Variants in CADPS observed in about 807,000 individuals in gnomAD.
The protein encoded by CADPS is calcium-dependent secretion activator 1.
In CADPS, 57 loss-of-function variants were observed where a neutral mutation model predicts 167.3. The observed-to-expected ratio is 0.34, with a 90% CI of 0.28 to 0.42. The LOEUF (loss-of-function observed/expected upper bound fraction) is 0.42. Among genes scored for constraint, CADPS ranks in the 20% least tolerant of loss-of-function variants. The pLI is 1.00. For synonymous variants in CADPS, 676 were observed against 635.3 expected, an observed-to-expected ratio of 1.06 and a Z score of -0.96; for missense variants, 1,414 against 1,738.1, an observed-to-expected ratio of 0.81 and a Z score of 3.32.
chr3:62,867,561 G>T (rs2153216746), intron 1 of CADPS, among the ~76,000 whole-genome samples: 1 of 152,098 alleles, frequency 6.6e-6, no homozygotes, highest in South Asian at 2.1e-4. Context: ...CCCCCATCTG[G>T]TTTATAGGTA....
intron 6 of CADPS, among the ~76,000 whole-genome samples, chr3:62,630,109 G>C (rs2065006437): frequency 6.6e-6 from 1 of 152,118 alleles, no homozygotes; most frequent in African/African-American, 2.4e-5. Context: ...GGTGGAGACT[G>C]TGTCTGTCTT....
chr3:62,492,294 A>G lies in CADPS; in HGVS notation c.2880T>C (p.Thr960=), dbSNP rs1188083681. The G allele has an allele frequency of 1.9e-6, 3 of 1,613,896 alleles. No individual in the cohort carries two copies. The highest frequency in any genetic ancestry group is 4.5e-5 in the East Asian group (2 of 44,868). Residue 960 remains threonine (T), a synonymous_variant, in exon 20 of 30, where the codon ACT becomes ACC. Transcript: ENST00000383710. The part of the protein sequence containing the change: ...LFQLLNDFLR[T]DYNLCNGKFH... ...ACAGTCAAAGGTAATACATACAGTC[A>G]GTACGGAGAAAATCATTCAGCAGCT...
Position 62,650,917 on chromosome 3 carries a change from A to C in CADPS, c.1133T>G (p.Ile378Ser). The C allele has an allele frequency of 6.2e-7, 1 of 1,614,086 alleles. No individual in the cohort carries two copies. Among genetic ancestry groups the C allele is most frequent in the Non-Finnish European group, 8.5e-7 (1 of 1,179,972 alleles). Residue 378 changes from isoleucine (I) to serine (S), a missense_variant, in exon 5 of 30, where the codon ATC becomes AGC. By Grantham distance (142) the Ile-to-Ser change is moderately radical (BLOSUM62 -2). This residue lies in a region of CADPS where 522 missense variants were observed against 559.5 expected (regional missense o/e 0.93). Transcript: ENST00000383710. ...CTCACTCTCCTCGCCCATGTCGATG[A>C]TGGAAGCATTGTGGCTGCGTTTGAG... ...QKLKRSHNAS[I>S]IDMGEESENQ...
intron 11 of CADPS, among the ~76,000 whole-genome samples, chr3:62,547,588 C>CT (rs1387691566): frequency 1.6e-5 from 1 of 60,704 alleles, no homozygotes; most frequent in Admixed American, 1.4e-4. Context: ...TCATTTACGC[C>CT]CCCCCCCCCC....
At chr3:62,604,393 A>G (rs1360285361) in intron 6 of CADPS, among the ~76,000 whole-genome samples, 1 of 152,230 alleles carries the variant, frequency 6.6e-6, no homozygotes. Flanking sequence ...TGGTGAGGAC[A>G]GGAACAATGA....
chr3:62,622,697 A>G (rs1167753153), intron 6 of CADPS, among the ~76,000 whole-genome samples: 4 of 152,088 alleles, frequency 2.6e-5, no homozygotes, highest in Admixed American at 2.6e-4. Context: ...GTTCCCTGAT[A>G]AGACACTGAG....
intron 3 of CADPS, among the ~76,000 whole-genome samples, chr3:62,690,500 G>A (rs1482038291): frequency 6.6e-6 from 1 of 151,874 alleles, no homozygotes; most frequent in African/African-American, 2.4e-5. Context: ...GGAAGTCAGT[G>A]CCTGACTTGT....
At chr3:62,834,681 A>C (rs995345477) in intron 1 of CADPS, among the ~76,000 whole-genome samples, 7 of 152,220 alleles carry the variant, frequency 4.6e-5, no homozygotes, top group African/African-American at 1.7e-4. Flanking sequence ...GACCTAGTCC[A>C]GGCTCACCAA....
At chr3:62,654,667 A>G (rs1015708956) in intron 4 of CADPS, among the ~76,000 whole-genome samples, 1 of 152,184 alleles carries the variant, frequency 6.6e-6, no homozygotes, top group African/African-American at 2.4e-5. Context: ...CTGTCACGGA[A>G]CAAAGGTTAC....
chr3:62,549,755 C>A, intron 11 of CADPS, 148 bp downstream of exon 11: 1 of 653,090 alleles, frequency 1.5e-6, no homozygotes, highest in East Asian at 2.8e-5. Flanking sequence ...AACATTTGCC[C>A]CAACTTTCCC....
At position 62,446,184 on chromosome 3, in the gene CADPS, G is replaced by C. The variant is rs2057194294; in HGVS notation, c.3637-387C>G. ...TGGGTCTTTGTGTAATTTGGCTGCAGGTTGTCCTAACTAAATAACTAAAAA... is the reference window on the plus strand; with the variant it reads ...TGGGTCTTTGTGTAATTTGGCTGCACGTTGTCCTAACTAAATAACTAAAAA... On this transcript the variant is annotated intron_variant, in intron 26 of 29. Coordinates refer to ENST00000383710, the MANE Select transcript of CADPS (RefSeq NM_003716.4). This position sits in a 1 kb window ranked among gnomAD's most constrained non-coding sequence, Gnocchi z 4.9. Among the ~76,000 whole-genome samples, 1 of 152,168 alleles carries C rather than the reference G, an allele frequency of 6.6e-6. No homozygotes were observed. The highest frequency in any genetic ancestry group is 2.1e-4 in the South Asian group (1 of 4,834).
chr3:62,735,128 G>A (rs1293003844), intron 3 of CADPS, among the ~76,000 whole-genome samples: 1 of 151,970 alleles, frequency 6.6e-6, no homozygotes, highest in Admixed American at 6.6e-5. Context: ...ATTTCATTAA[G>A]TAAATGACGG....
chr3:62,817,843 A>G (rs533439212), intron 1 of CADPS, among the ~76,000 whole-genome samples: 1 of 152,306 alleles, frequency 6.6e-6, no homozygotes, highest in South Asian at 2.1e-4. Flanking sequence ...TTTATTTAGA[A>G]AAGAATGCAG....
chr3:62,762,306 T>A (rs182746195), intron 2 of CADPS, among the ~76,000 whole-genome samples: 4 of 152,242 alleles, frequency 2.6e-5, no homozygotes, highest in Non-Finnish European at 5.9e-5. Flanking sequence ...ATGACAACAA[T>A]TAACATAACA....
At chr3:62,627,731 T>G (rs1284297342) in intron 6 of CADPS, among the ~76,000 whole-genome samples, 1 of 27,772 alleles carries the variant, frequency 3.6e-5, no homozygotes, top group East Asian at 0.071. Context: ...TGTGAAGTTC[T>G]GGTAATTGAG....
intron 3 of CADPS, among the ~76,000 whole-genome samples, chr3:62,680,663 G>A (rs747889002): frequency 2.3e-4 from 35 of 151,874 alleles, no homozygotes; most frequent in African/African-American, 4.6e-4. Flanking sequence ...TTCCGCTGCC[G>A]CAGATTGATC....
At chr3:62,671,448 C>A (rs2075494760) in intron 3 of CADPS, among the ~76,000 whole-genome samples, 1 of 152,106 alleles carries the variant, frequency 6.6e-6, no homozygotes, top group Non-Finnish European at 1.5e-5. Context: ...ATAGAGGAAG[C>A]AGGCGGTTTT....
At chr3:62,839,495 A>C (rs1294839182) in intron 1 of CADPS, among the ~76,000 whole-genome samples, 3 of 152,158 alleles carry the variant, frequency 2.0e-5, no homozygotes, top group African/African-American at 7.2e-5. Flanking sequence ...GAAGGGCCAT[A>C]GTGGATCCCT....
chr3:62,568,572 A>G (rs1254412459), intron 9 of CADPS, among the ~76,000 whole-genome samples: 1 of 152,182 alleles, frequency 6.6e-6, no homozygotes, highest in Admixed American at 6.5e-5. Flanking sequence ...TTGGCCTCAG[A>G]CTGAAGGCTG....
Sources: gnomAD v4.1 joint callset for allele counts (sites outside exome capture counted in the v4.1 genomes callset) on GRCh38, gnomAD v4.1.1 for gene constraint, gnomAD v4.1.1 regional missense constraint, Gnocchi (gnomAD v3.1) non-coding constraint, MANE v1.5 for transcripts, NCBI Gene and HGNC (gene_info 2026-07-23, HGNC 2026-07-21) for gene names.